CACNA2D1: variants seen among roughly 807,000 people sequenced by gnomAD.
CACNA2D1 encodes the protein calcium voltage-gated channel auxiliary subunit alpha2delta 1.
In CACNA2D1, 53 loss-of-function variants were observed where a neutral mutation model predicts 171.5. The observed-to-expected ratio is 0.31, with a 90% confidence interval of 0.25 to 0.39. The LOEUF is 0.39. CACNA2D1 is among the 10% of genes least tolerant of loss of function. CACNA2D1 has a pLI of 1.00. For missense variants in CACNA2D1, 903 were observed against 1,299.8 expected (o/e 0.69, Z 4.69); for synonymous variants, 442 against 443.1 (o/e 1.00, Z 0.03).
chr7:82,373,837 G>A lies in CACNA2D1; in HGVS notation c.96-24188C>T, dbSNP rs145721257. On this transcript the variant is annotated intron_variant, in intron 1 of 38. Coordinates refer to ENST00000356860, the MANE Select transcript of CACNA2D1 (RefSeq NM_000722.4). ...TAGTGTATCTCCAAATAAGTTCAGT[G>A]TGATCATACATTTTAAAACAAAAAT... is the stretch of plus-strand genomic sequence containing the variant. Among the ~76,000 whole-genome samples the A allele has an allele frequency of 4.7e-4, 72 of 152,350 alleles. No individual in the cohort carries two copies. In the East Asian group the frequency reaches 0.013, roughly 27 times the overall value.
chr7:82,094,545 T>C (rs1456440922), intron 6 of CACNA2D1, among the ~76,000 whole-genome samples: 3 of 152,212 alleles, frequency 2.0e-5, no homozygotes, highest in Non-Finnish European at 4.4e-5. Context: ...ATGTACTCAT[T>C]AGAGTTGACA....
chr7:82,212,483 T>C (rs1212076989), intron 3 of CACNA2D1, among the ~76,000 whole-genome samples: 1 of 152,250 alleles, frequency 6.6e-6, no homozygotes, highest in Non-Finnish European at 1.5e-5. Flanking sequence ...TTTCATTTTT[T>C]CCTTGCAGTA....
At chr7:82,377,127 G>A (rs1823106630) in intron 1 of CACNA2D1, among the ~76,000 whole-genome samples, 1 of 152,184 alleles carries the variant, frequency 6.6e-6, no homozygotes, top group South Asian at 2.1e-4. Context: ...AAATCTGGAT[G>A]AATTGTGTAA....
intron 1 of CACNA2D1, among the ~76,000 whole-genome samples, chr7:82,417,931 T>C (rs1346923235): frequency 6.6e-6 from 1 of 152,166 alleles, no homozygotes; most frequent in African/African-American, 2.4e-5. Context: ...AGGACAATAT[T>C]AAAAGGAGAC....
At chr7:82,366,926 T>TTTTTTTTTTTTTTTTTTTTTTTTTG (rs1821802656) in intron 1 of CACNA2D1, among the ~76,000 whole-genome samples, 1 of 144,788 alleles carries the variant, frequency 6.9e-6, no homozygotes, top group Admixed American at 6.9e-5. Context: ...TTTTTTTTTT[T>TTTTTTTTTTTTTTTTTTTTTTTTTG]GACGGTGCCT....
intron 3 of CACNA2D1, among the ~76,000 whole-genome samples, chr7:82,221,791 C>T (rs1466803647): frequency 6.9e-6 from 1 of 145,910 alleles, no homozygotes; most frequent in Non-Finnish European, 1.5e-5. Flanking sequence ...AAAAAAAACA[C>T]TACGAATTCA....
chr7:81,950,807 G>A (rs1333211618), intron 38 of CACNA2D1, among the ~76,000 whole-genome samples: 1 of 151,902 alleles, frequency 6.6e-6, no homozygotes, highest in Non-Finnish European at 1.5e-5. Flanking sequence ...AACTTTCACA[G>A]TATCAAAAAT....
intron 1 of CACNA2D1, among the ~76,000 whole-genome samples, chr7:82,414,806 C>A (rs562974154): frequency 3.0e-4 from 46 of 152,292 alleles, no homozygotes; most frequent in African/African-American, 1.1e-3. Flanking sequence ...TCCATACACC[C>A]TAGAAGTGGA....
intron 2 of CACNA2D1, among the ~76,000 whole-genome samples, chr7:82,347,861 A>G (rs1345102406): frequency 1.3e-5 from 2 of 152,174 alleles, no homozygotes; most frequent in Admixed American, 1.3e-4. Context: ...TAATTCATCA[A>G]TATCTATACT....
At chr7:82,105,890 G>C (rs1787701384) in intron 6 of CACNA2D1, among the ~76,000 whole-genome samples, 1 of 152,088 alleles carries the variant, frequency 6.6e-6, no homozygotes, top group Non-Finnish European at 1.5e-5. Context: ...AGCAAAAACA[G>C]AGCCACCTTT....
intron 28 of CACNA2D1, among the ~76,000 whole-genome samples, chr7:81,969,549 G>T (rs1172931766): frequency 6.6e-6 from 1 of 150,984 alleles, no homozygotes; most frequent in South Asian, 2.1e-4. Flanking sequence ...ATTAATCAAT[G>T]GAATTACTCT....
chr7:82,125,755 T>C (rs1790264307), intron 5 of CACNA2D1, among the ~76,000 whole-genome samples: 1 of 152,142 alleles, frequency 6.6e-6, no homozygotes, highest in South Asian at 2.1e-4. Context: ...TATAATGATA[T>C]GAAAACAATC....
intron 38 of CACNA2D1, among the ~76,000 whole-genome samples, chr7:81,954,113 C>G (rs1424093473): frequency 6.6e-6 from 1 of 152,050 alleles, no homozygotes; most frequent in Non-Finnish European, 1.5e-5. Flanking sequence ...TTATGGCATA[C>G]ATTCTACACA....
intron 7 of CACNA2D1, among the ~76,000 whole-genome samples, chr7:82,074,323 T>A (rs889265548): frequency 6.6e-6 from 1 of 151,998 alleles, no homozygotes; most frequent in Non-Finnish European, 1.5e-5. Context: ...TCTTCCCAGG[T>A]TGAAAGCAAT....
At chr7:82,145,691 G>GTA (rs1264392655) in intron 4 of CACNA2D1, among the ~76,000 whole-genome samples, 1 of 146,974 alleles carries the variant, frequency 6.8e-6, no homozygotes, top group South Asian at 2.1e-4. Context: ...CACACATTCT[G>GTA]TATATATATT....
At chr7:82,210,645 G>C (rs1035219234) in intron 3 of CACNA2D1, among the ~76,000 whole-genome samples, 3 of 152,168 alleles carry the variant, frequency 2.0e-5, no homozygotes, top group African/African-American at 7.2e-5. Context: ...TTTTGCAGAA[G>C]TGTCTGTTAG....
intron 4 of CACNA2D1, among the ~76,000 whole-genome samples, chr7:82,152,318 A>C (rs1793949641): frequency 7.0e-6 from 1 of 143,690 alleles, no homozygotes; most frequent in African/African-American, 2.6e-5. Context: ...GCTCAGGCTA[A>C]GAATTTTCTT....
rs1792326603 is a variant in CACNA2D1, at chr7:81,949,845, T to C, written c.*547A>G. On this transcript the variant is annotated 3_prime_UTR_variant, in exon 39 of 39. Coordinates refer to ENST00000356860, the MANE Select transcript of CACNA2D1 (RefSeq NM_000722.4). ...TAAGGCATTTTATTCATGGCAAATT[T>C]TTCATAGAAAATTAGCCATTATTTA... 1 of 152,560 alleles carries C rather than the reference T, an allele frequency of 6.6e-6. No homozygotes were observed. Among genetic ancestry groups the C allele is most frequent in the African/African-American group, 2.4e-5 (1 of 41,456 alleles). 9.5% of individuals were successfully genotyped at this position (152,560 alleles called of 1,614,324 possible).
chr7:82,358,412 T>C (rs534669687), intron 1 of CACNA2D1, among the ~76,000 whole-genome samples: 1 of 152,336 alleles, frequency 6.6e-6, no homozygotes, highest in East Asian at 1.9e-4. Flanking sequence ...ATGGGTGTCA[T>C]GCCAGAAATG....
Sources: gnomAD v4.1 joint callset for allele counts (sites outside exome capture counted in the v4.1 genomes callset) on GRCh38, gnomAD v4.1.1 for gene constraint, MANE v1.5 for transcripts, NCBI Gene and HGNC (gene_info 2026-07-23, HGNC 2026-07-21) for gene names.